ARID4B: variants seen among roughly 807,000 people sequenced by gnomAD.
ARID4B encodes the protein AT-rich interactive domain-containing protein 4B.
A neutral mutation model predicts 147.5 loss-of-function variants in ARID4B; 26 were observed. The ratio of observed to expected loss-of-function variants is 0.18; its 90% CI spans 0.13 to 0.24. The LOEUF (loss-of-function observed/expected upper bound fraction) is 0.24, where lower values mean the gene tolerates loss of function less well. Among genes scored for constraint, ARID4B ranks in the 10% least tolerant of loss-of-function variants. The pLI, the probability that ARID4B is intolerant of heterozygous loss-of-function variation, is 1.00. For synonymous variants in ARID4B, 512 were observed against 507.9 expected (o/e 1.01, Z -0.11); for missense variants, 1,179 against 1,511.5 (o/e 0.78, Z 3.65).
chr1:235,207,044 A>G (rs1666350538), intron 17 of ARID4B, among the ~76,000 whole-genome samples: 1 of 152,264 alleles, frequency 6.6e-6, no homozygotes, highest in Non-Finnish European at 1.5e-5. Flanking sequence ...GACTGGCTTC[A>G]GACAGTAGCA....
At chr1:235,260,292 T>C (rs12409696) in intron 3 of ARID4B, among the ~76,000 whole-genome samples, 42,990 of 152,030 alleles carry the variant, frequency 0.28, 7,451 homozygotes, top group South Asian at 0.53. Flanking sequence ...GCCATGAATT[T>C]GGCATAATGG....
intron 2 of ARID4B, among the ~76,000 whole-genome samples, chr1:235,321,292 CAT>C (rs1016910358): frequency 2.0e-5 from 3 of 152,240 alleles, no homozygotes; most frequent in Middle Eastern, 3.4e-3. Context: ...CAAAATTTGC[CAT>C]GTTATGGATC....
At chr1:235,306,449 G>A (rs1673567674) in intron 2 of ARID4B, among the ~76,000 whole-genome samples, 1 of 150,504 alleles carries the variant, frequency 6.6e-6, no homozygotes, top group African/African-American at 2.4e-5. Flanking sequence ...GCTGCAGTGA[G>A]CCGAGATCAT....
At chr1:235,269,177 T>A (rs931832302) in intron 2 of ARID4B, among the ~76,000 whole-genome samples, 2 of 152,192 alleles carry the variant, frequency 1.3e-5, no homozygotes, top group African/African-American at 4.8e-5. Context: ...CAAGAATGAA[T>A]GAATGAATGT....
intron 2 of ARID4B, among the ~76,000 whole-genome samples, chr1:235,290,953 G>A (rs12058097): frequency 0.04 from 6,074 of 152,284 alleles, 452 homozygotes; most frequent in African/African-American, 0.14. Flanking sequence ...GTTTTAATTA[G>A]CTGGGCATGG....
At chr1:235,194,965 G>A (rs1370159413) in intron 18 of ARID4B, among the ~76,000 whole-genome samples, 1 of 152,122 alleles carries the variant, frequency 6.6e-6, no homozygotes, top group Non-Finnish European at 1.5e-5. Context: ...TTAATGTTTT[G>A]AGAAAAGATG....
chr1:235,314,921 T>C (rs961542580), intron 2 of ARID4B, among the ~76,000 whole-genome samples: 28 of 152,192 alleles, frequency 1.8e-4, no homozygotes, highest in African/African-American at 2.4e-5. Context: ...TGTTAAAATA[T>C]GATGTTCAAT....
intron 16 of ARID4B, among the ~76,000 whole-genome samples, chr1:235,215,547 ATGTGTGTGTGTG>A (rs370429662): frequency 5.1e-5 from 7 of 136,498 alleles, no homozygotes; most frequent in Middle Eastern, 7.2e-3. Flanking sequence ...ACACATATAT[ATGTGTGTGTGTG>A]TGTGTGTGTG....
intron 2 of ARID4B, among the ~76,000 whole-genome samples, chr1:235,296,530 G>C (rs2103228805): frequency 6.6e-6 from 1 of 151,862 alleles, no homozygotes; most frequent in East Asian, 1.9e-4. Context: ...AGGGTGCAGT[G>C]GCACAATCTC....
Position 235,194,117 on chromosome 1 carries a change from G to A in ARID4B, c.2021C>T (p.Pro674Leu), listed in dbSNP as rs768535666. The A allele has an allele frequency of 1.9e-6, 3 of 1,612,456 alleles. No individual in the cohort carries two copies. Among genetic ancestry groups the A allele is most frequent in the South Asian group, 2.2e-5 (2 of 91,046 alleles). ...CAGTTTGGATACCATTTCAGGAGAT[G>A]GATTTGTCTGAAATGGTGGTTTGGA... ...RLSKPPFQTN[P>L]SPEMVSKLDL... Residue 674 changes from proline (P) to leucine (L), a missense_variant, in exon 19 of 24, where the codon CCA becomes CTA. Around this residue, in one of 10 missense-constraint regions of ARID4B, gnomAD observed 321 missense variants for 342.4 expected, o/e 0.94. Coordinates refer to ENST00000264183, the MANE Select transcript of ARID4B (RefSeq NM_016374.6).
chr1:235,288,078 G>A (rs1013986093), intron 2 of ARID4B, among the ~76,000 whole-genome samples: 3 of 152,198 alleles, frequency 2.0e-5, no homozygotes, highest in South Asian at 2.1e-4. Context: ...AGGCCAAGGC[G>A]GGTGGATCAC....
intron 10 of ARID4B, 45 bp from the exon 11 acceptor site, chr1:235,229,430 A>C: frequency 7.5e-7 from 1 of 1,333,214 alleles, no homozygotes; most frequent in Non-Finnish European, 1.1e-6. Flanking sequence ...AATTAAGACA[A>C]TTGTTTTCTC....
chr1:235,196,151 T>C (rs1263909708), intron 17 of ARID4B, 36 bp from the exon 18 acceptor site: 2 of 1,092,886 alleles, frequency 1.8e-6, no homozygotes, highest in Non-Finnish European at 2.7e-6. Flanking sequence ...ATATGTACAA[T>C]ATATACCACG....
At chr1:235,200,407 C>T (rs528909176) in intron 17 of ARID4B, among the ~76,000 whole-genome samples, 4 of 152,146 alleles carry the variant, frequency 2.6e-5, no homozygotes, top group South Asian at 2.1e-4. Flanking sequence ...TGCAGTGAGC[C>T]GAGATCGCAT....
At chr1:235,317,883 C>A (rs966847716) in intron 2 of ARID4B, among the ~76,000 whole-genome samples, 5 of 152,084 alleles carry the variant, frequency 3.3e-5, no homozygotes, top group Non-Finnish European at 5.9e-5. Context: ...TGCCACAACA[C>A]AAAATACATG....
At chr1:235,313,810 A>G (rs901160349) in intron 2 of ARID4B, among the ~76,000 whole-genome samples, 4 of 152,216 alleles carry the variant, frequency 2.6e-5, no homozygotes, top group Non-Finnish European at 2.9e-5. Flanking sequence ...ATGAGAGCAA[A>G]GAGTTCTTGG....
intron 7 of ARID4B, among the ~76,000 whole-genome samples, chr1:235,241,087 G>C (rs1668951141): frequency 6.6e-6 from 1 of 152,144 alleles, no homozygotes; most frequent in Non-Finnish European, 1.5e-5. Flanking sequence ...ATAACTGTCA[G>C]AAGAAAAAGG....
At chr1:235,261,887 G>A (rs1266703416) in intron 2 of ARID4B, among the ~76,000 whole-genome samples, 1 of 152,142 alleles carries the variant, frequency 6.6e-6, no homozygotes, top group East Asian at 1.9e-4. Context: ...AACATCCCAG[G>A]ACGTTCCACC....
intron 19 of ARID4B, 110 bp from the exon 20 acceptor site, chr1:235,182,903 T>G: frequency 1.9e-6 from 2 of 1,064,078 alleles, no homozygotes; most frequent in Non-Finnish European, 2.6e-6. Context: ...CACCCGAGGT[T>G]GCTGGCTTTT....
Sources: allele counts gnomAD v4.1 joint callset (sites outside exome capture counted in the v4.1 genomes callset), GRCh38; gene constraint gnomAD v4.1.1; regional missense constraint gnomAD v4.1.1; transcripts MANE v1.5; gene names NCBI Gene and HGNC (gene_info 2026-07-23, HGNC 2026-07-21).